SLC24A3: variants seen among roughly 807,000 people sequenced by gnomAD.
SLC24A3 encodes solute carrier family 24 member 3.
In SLC24A3, 28 loss-of-function variants were observed where a neutral mutation model predicts 75.8. That is an observed-to-expected ratio of 0.37 (90% CI 0.27 to 0.51). The LOEUF (loss-of-function observed/expected upper bound fraction) is 0.51. Ranked by LOEUF, SLC24A3 falls within the 20% of genes least tolerant of loss-of-function variation. The pLI, the probability that SLC24A3 is intolerant of heterozygous loss-of-function variation, is 0.94. For missense variants in SLC24A3, 663 were observed against 847.8 expected, an observed-to-expected ratio of 0.78 and a Z score of 2.71; for synonymous variants, 372 against 334.1, an observed-to-expected ratio of 1.11 and a Z score of -1.24.
intron 2 of SLC24A3, among the ~76,000 whole-genome samples, chr20:19,326,161 G>A (rs1164037801): frequency 6.6e-6 from 1 of 152,042 alleles, no homozygotes; most frequent in Admixed American, 6.5e-5. Flanking sequence ...TCCAGGGCCT[G>A]TAAGCAACAG....
intron 2 of SLC24A3, among the ~76,000 whole-genome samples, chr20:19,343,342 T>C (rs1600438959): frequency 6.6e-6 from 1 of 152,154 alleles, no homozygotes; most frequent in East Asian, 1.9e-4. Context: ...CAAGTCAGTT[T>C]ACATCACCTA....
chr20:19,296,978 G>C (rs1283901050), intron 2 of SLC24A3, among the ~76,000 whole-genome samples: 14 of 152,188 alleles, frequency 9.2e-5, no homozygotes, highest in African/African-American at 4.8e-5. Flanking sequence ...ATGAATACAG[G>C]AGCCAGCTGT....
At chr20:19,336,695 C>A (rs1204322785) in intron 2 of SLC24A3, among the ~76,000 whole-genome samples, 1 of 128,686 alleles carries the variant, frequency 7.8e-6, no homozygotes, top group Non-Finnish European at 1.7e-5. Flanking sequence ...CACCCCCCAC[C>A]CCCCACCCCC....
chr20:19,668,497 G>A (rs2032427076), intron 8 of SLC24A3, among the ~76,000 whole-genome samples: 1 of 152,118 alleles, frequency 6.6e-6, no homozygotes, highest in African/African-American at 2.4e-5. Flanking sequence ...ATGGCCTAGA[G>A]ATTTCAAGGC....
intron 2 of SLC24A3, among the ~76,000 whole-genome samples, chr20:19,395,232 T>G (rs1986434308): frequency 6.6e-6 from 1 of 152,168 alleles, no homozygotes; most frequent in Admixed American, 6.5e-5. Flanking sequence ...AGTTTCAGGT[T>G]TGCAAGATGA....
chr20:19,267,562 TAA>T, intron 1 of SLC24A3, among the ~76,000 whole-genome samples: 1 of 152,352 alleles, frequency 6.6e-6, no homozygotes, highest in East Asian at 1.9e-4. Context: ...AATTTTCTAA[TAA>T]AAGTCATTGA....
intron 2 of SLC24A3, among the ~76,000 whole-genome samples, chr20:19,494,052 T>C (rs888087850): frequency 2.0e-5 from 3 of 152,216 alleles, no homozygotes; most frequent in African/African-American, 7.2e-5. Flanking sequence ...TGCATAGATC[T>C]GCATGGAGGG....
chr20:19,556,434 G>T (rs1382100024), intron 3 of SLC24A3, among the ~76,000 whole-genome samples: 1 of 152,128 alleles, frequency 6.6e-6, no homozygotes, highest in East Asian at 1.9e-4. Context: ...AGAGAATTTA[G>T]AGTCAGCTGA....
At chr20:19,549,538 C>A (rs1377050600) in intron 3 of SLC24A3, among the ~76,000 whole-genome samples, 1 of 152,184 alleles carries the variant, frequency 6.6e-6, no homozygotes, top group African/African-American at 2.4e-5. Context: ...AATCCCAGCA[C>A]TTTGGGAGGC....
intron 3 of SLC24A3, among the ~76,000 whole-genome samples, chr20:19,564,601 A>T (rs1173838155): frequency 6.6e-6 from 1 of 152,190 alleles, no homozygotes; most frequent in Non-Finnish European, 1.5e-5. Context: ...AGATAACCTG[A>T]ACTTATACAT....
chr20:19,579,643 G>A (rs113634586), intron 3 of SLC24A3, among the ~76,000 whole-genome samples: 2 of 152,222 alleles, frequency 1.3e-5, no homozygotes, highest in Admixed American at 1.3e-4. Flanking sequence ...GGGAGCGGGG[G>A]AAAGAGGTTG....
chr20:19,540,965 C>T (rs932513810), intron 3 of SLC24A3, among the ~76,000 whole-genome samples: 2 of 152,164 alleles, frequency 1.3e-5, no homozygotes, highest in South Asian at 2.1e-4. Context: ...TAATCCTCCC[C>T]GTGTCCCAAC....
chr20:19,228,206 A>G (rs756605778), intron 1 of SLC24A3, among the ~76,000 whole-genome samples: 21 of 152,162 alleles, frequency 1.4e-4, no homozygotes, highest in Non-Finnish European at 3.1e-4. Context: ...CTTTAGGTTC[A>G]TTCTGTAGCT....
intron 1 of SLC24A3, among the ~76,000 whole-genome samples, chr20:19,220,863 T>G (rs1192775400): frequency 6.6e-6 from 1 of 152,218 alleles, no homozygotes; most frequent in African/African-American, 2.4e-5. Flanking sequence ...CCAGTGTATC[T>G]CAGCAGCCAG....
At chr20:19,678,659 T>A (rs2032564522) in intron 9 of SLC24A3, among the ~76,000 whole-genome samples, 1 of 145,004 alleles carries the variant, frequency 6.9e-6, no homozygotes, top group Non-Finnish European at 1.5e-5. Context: ...TCCACCTCCC[T>A]CCCGGACACG....
chr20:19,614,239 C>T (rs2031706982), intron 6 of SLC24A3, among the ~76,000 whole-genome samples: 1 of 152,146 alleles, frequency 6.6e-6, no homozygotes, highest in Non-Finnish European at 1.5e-5. Context: ...GCCTCAGTTT[C>T]CTCAACTGTA....
At chr20:19,360,447 G>C (rs1042654663) in intron 2 of SLC24A3, among the ~76,000 whole-genome samples, 1 of 152,160 alleles carries the variant, frequency 6.6e-6, no homozygotes, top group Non-Finnish European at 1.5e-5. Context: ...CTGAATCTGT[G>C]AATGTCAACA....
intron 3 of SLC24A3, among the ~76,000 whole-genome samples, chr20:19,570,050 T>A (rs2031027656): frequency 2.6e-5 from 4 of 152,114 alleles, no homozygotes; most frequent in Admixed American, 2.6e-4. Flanking sequence ...GACCTACCTG[T>A]CACTGGGAAA....
intron 3 of SLC24A3, among the ~76,000 whole-genome samples, chr20:19,556,899 A>T (rs1410728437): frequency 1.3e-5 from 2 of 152,100 alleles, no homozygotes; most frequent in Admixed American, 6.6e-5. Flanking sequence ...AACAAAACCC[A>T]TTTTTTTAAA....
Sources: allele counts gnomAD v4.1 joint callset (sites outside exome capture counted in the v4.1 genomes callset), GRCh38; gene constraint gnomAD v4.1.1; transcripts MANE v1.5; gene names NCBI Gene and HGNC (gene_info 2026-07-23, HGNC 2026-07-21).